Variants in PRKG2 observed in about 807,000 individuals in gnomAD.
PRKG2 encodes the protein cGMP-dependent protein kinase 2.
PRKG2 carries 33 observed loss-of-function variants against 97.2 expected under a neutral mutation model. The observed-to-expected ratio is 0.34, with a 90% CI of 0.26 to 0.45. The LOEUF (loss-of-function observed/expected upper bound fraction) is 0.45, where lower values mean the gene tolerates loss of function less well. PRKG2 is among the 20% of genes least tolerant of loss of function. The pLI is 1.00. For synonymous variants in PRKG2, 330 were observed against 321.8 expected, an observed-to-expected ratio of 1.03 and a Z score of -0.27; for missense variants, 638 against 900.0, an observed-to-expected ratio of 0.71 and a Z score of 3.73.
intron 8 of PRKG2, among the ~76,000 whole-genome samples, chr4:81,151,172 G>A (rs1578426393): frequency 6.6e-6 from 1 of 152,136 alleles, no homozygotes; most frequent in Non-Finnish European, 1.5e-5. Context: ...TTTTCCAAAA[G>A]CATACAGTTG....
intron 14 of PRKG2, among the ~76,000 whole-genome samples, chr4:81,134,135 C>T (rs982602075): frequency 1.3e-5 from 2 of 152,006 alleles, no homozygotes; most frequent in Non-Finnish European, 2.9e-5. Flanking sequence ...CATGAAAGGG[C>T]TTTTATTTTA....
At chr4:81,158,775 G>A (rs1036809635) in intron 6 of PRKG2, among the ~76,000 whole-genome samples, 1 of 152,088 alleles carries the variant, frequency 6.6e-6, no homozygotes, top group African/African-American at 2.4e-5. Flanking sequence ...ACAGAATAGA[G>A]CCCTCAGAAA....
At chr4:81,171,989 G>A (rs1353432975) in intron 3 of PRKG2, among the ~76,000 whole-genome samples, 185 bp from the exon 4 acceptor site, 1 of 151,776 alleles carries the variant, frequency 6.6e-6, no homozygotes, top group African/African-American at 2.4e-5. Context: ...ACTATTAGCT[G>A]GGTTGCCTTG....
At chr4:81,217,478 A>G (rs1221416017), upstream of PRKG2, among the ~76,000 whole-genome samples, 3 of 152,170 alleles carry the variant, frequency 2.0e-5, no homozygotes, top group South Asian at 2.1e-4. Context: ...ATGCTGAACA[A>G]GGAAACGGAG....
chr4:81,177,419 G>A (rs938113825), intron 2 of PRKG2, among the ~76,000 whole-genome samples: 2 of 152,132 alleles, frequency 1.3e-5, no homozygotes, highest in African/African-American at 4.8e-5. Flanking sequence ...AATCTGGTAA[G>A]TTTCGGCCAG....
chr4:81,178,426 T>A (rs574263969), intron 2 of PRKG2, among the ~76,000 whole-genome samples: 1 of 151,898 alleles, frequency 6.6e-6, no homozygotes, highest in South Asian at 2.1e-4. Context: ...AACAGAACCA[T>A]AGTAGATCAA....
At chr4:81,212,839 A>T (rs1754051887) in intron 1 of PRKG2, among the ~76,000 whole-genome samples, 1 of 152,322 alleles carries the variant, frequency 6.6e-6, no homozygotes, top group Non-Finnish European at 1.5e-5. Context: ...TGCTTTGGTT[A>T]AAGTGAGAGA....
At chr4:81,213,951 T>C (rs556921772) in intron 1 of PRKG2, among the ~76,000 whole-genome samples, 3 of 152,100 alleles carry the variant, frequency 2.0e-5, no homozygotes, top group East Asian at 3.9e-4. Context: ...TAATTCTCCA[T>C]AGAGAATTCT....
intron 2 of PRKG2, among the ~76,000 whole-genome samples, chr4:81,194,219 T>C (rs1186842874): frequency 6.6e-6 from 1 of 152,178 alleles, no homozygotes; most frequent in African/African-American, 2.4e-5. Flanking sequence ...ATTAGAAACT[T>C]GACAAAATTA....
chr4:81,158,500 A>G (rs1460278750), intron 6 of PRKG2, among the ~76,000 whole-genome samples: 1 of 151,958 alleles, frequency 6.6e-6, no homozygotes, highest in Non-Finnish European at 1.5e-5. Flanking sequence ...AAGAATCAAT[A>G]TCGTGAAAAT....
At chr4:81,105,990 T>C (rs1578346326) in intron 15 of PRKG2, 55 bp from the exon 16 acceptor site, 2 of 1,535,854 alleles carry the variant, frequency 1.3e-6, no homozygotes, top group Non-Finnish European at 1.8e-6. Context: ...TGAGATCACA[T>C]TTGGAATGAA....
intron 7 of PRKG2, chr4:81,153,425 C>A: frequency 2.3e-6 from 1 of 435,518 alleles, no homozygotes; most frequent in South Asian, 3.2e-5. Flanking sequence ...AATCAAGTGA[C>A]CTACATAACA....
intron 6 of PRKG2, among the ~76,000 whole-genome samples, chr4:81,155,082 G>A (rs1429798633): frequency 1.0e-4 from 15 of 148,566 alleles, no homozygotes; most frequent in African/African-American, 3.0e-4. Context: ...GGAGGCTGAG[G>A]CAGGAGAATG....
At chr4:81,095,915 T>G (rs1413222116) in intron 17 of PRKG2, among the ~76,000 whole-genome samples, 1 of 152,198 alleles carries the variant, frequency 6.6e-6, no homozygotes, top group Non-Finnish European at 1.5e-5. Context: ...ATGTTTAAAC[T>G]AAACTGCAGT....
chr4:81,217,234 G>T (rs762739844), upstream of PRKG2, among the ~76,000 whole-genome samples: 34 of 151,748 alleles, frequency 2.2e-4, no homozygotes, highest in Non-Finnish European at 3.4e-4. Flanking sequence ...GATGTACTGG[G>T]TCAAAGCCAG....
chr4:81,098,390 T>C (rs932136664), intron 17 of PRKG2, among the ~76,000 whole-genome samples: 4 of 152,196 alleles, frequency 2.6e-5, no homozygotes, highest in Middle Eastern at 3.2e-3. Context: ...GAATAATACA[T>C]GTGTGTTCAC....
At chr4:81,173,174 AAAGGGAATATTTTT>A (rs1239547496) in intron 3 of PRKG2, among the ~76,000 whole-genome samples, 1 of 152,138 alleles carries the variant, frequency 6.6e-6, no homozygotes, top group Non-Finnish European at 1.5e-5. Flanking sequence ...TATGTTTCAT[AAAGGGAATATTTTT>A]AATTATCAAA....
At chr4:81,142,983 C>A (rs747584798) in intron 10 of PRKG2, 36 bp from the exon 11 acceptor site, 1 of 1,550,620 alleles carries the variant, frequency 6.4e-7, no homozygotes, top group Non-Finnish European at 8.8e-7. Flanking sequence ...ACACACACAC[C>A]CATAATTAAG....
intron 14 of PRKG2, among the ~76,000 whole-genome samples, chr4:81,113,826 T>C (rs1261831865): frequency 6.6e-6 from 1 of 152,196 alleles, no homozygotes; most frequent in African/African-American, 2.4e-5. Context: ...TGGAATCTGT[T>C]TAACCTGTCC....
Sources: allele counts gnomAD v4.1 joint callset (sites outside exome capture counted in the v4.1 genomes callset), GRCh38; gene constraint gnomAD v4.1.1; transcripts MANE v1.5; gene names NCBI Gene and HGNC (gene_info 2026-07-23, HGNC 2026-07-21).